SIK3: variants seen among roughly 807,000 people sequenced by gnomAD.
SIK3 encodes SIK family kinase 3, also known as serine/threonine-protein kinase SIK3.
Under a neutral mutation model 144.2 loss-of-function variants are expected in SIK3, and 28 were observed. The observed-to-expected ratio is 0.19, with a 90% CI of 0.14 to 0.27. SIK3 has a LOEUF of 0.27. Ranked by LOEUF, SIK3 falls within the 10% of genes least tolerant of loss-of-function variation. The probability of loss-of-function intolerance (pLI) is 1.00; values close to 1 mark genes in which losing one functional copy is unlikely to be tolerated. For missense variants in SIK3, 1,319 were observed against 1,776.0 expected, an observed-to-expected ratio of 0.74 and a Z score of 4.62; for synonymous variants, 686 against 676.3, an observed-to-expected ratio of 1.01 and a Z score of -0.22.
chr11:116,987,650 G>A (rs550588015), intron 1 of SIK3, among the ~76,000 whole-genome samples: 8 of 152,184 alleles, frequency 5.3e-5, no homozygotes, highest in South Asian at 4.2e-4. Flanking sequence ...TAAAAACTAC[G>A]CTTTAGATAA....
At position 116,922,916 on chromosome 11, in the gene SIK3, T is replaced by C. The variant is rs1480395984; in HGVS notation, c.616+4303A>G. Among the ~76,000 whole-genome samples, 55 of 92,156 alleles carry C rather than the reference T, an allele frequency of 6.0e-4. 1 individual carries two copies. Among genetic ancestry groups the C allele is most frequent in the African/African-American group, 2.3e-3 (48 of 21,098 alleles). The allele number at this position is 92,156 out of a possible 152,430, so 60.5% of individuals were successfully genotyped here. A position where few individuals can be genotyped will look rare whatever the true frequency, so the allele number is the denominator to read the frequency against. On this transcript the variant is annotated intron_variant, in intron 4 of 24. Coordinates refer to ENST00000445177, the MANE Select transcript of SIK3 (RefSeq NM_001366686.3). Reference sequence around the variant, plus strand: ...TCTCCTTTTCTTTTCTCTTTTTTTTTTTTTTTTTTTTTTTTTTTGAGATGG... The same window carrying C: ...TCTCCTTTTCTTTTCTCTTTTTTTTCTTTTTTTTTTTTTTTTTTGAGATGG...
rs1314317978 is a variant in SIK3 at position 116,961,128 on chromosome 11, G to A, written c.274-4064C>T. 2.0e-5 allele frequency among the ~76,000 whole-genome samples: 3 copies of A among 152,180 alleles called. No individual in the cohort carries two copies. The South Asian group carries it at 6.2e-4, about 32-fold the overall frequency. ...TAGGATGGAACCCACAGCAAGACCC[G>A]ACCCTGAGGGCTGTGGCAGAGAGAC... On this transcript the variant is annotated intron_variant, in intron 1 of 24. Coordinates refer to ENST00000445177, the MANE Select transcript of SIK3 (RefSeq NM_001366686.3).
At position 116,875,954 on chromosome 11, in the gene SIK3, T is replaced by C; in HGVS notation, c.1151A>G (p.Asp384Gly). Residue 384 changes from aspartate (D) to glycine (G), a missense_variant, in exon 9 of 25, where the codon GAT becomes GGT. Asp to Gly is a moderately conservative substitution (Grantham distance 94, BLOSUM62 -1). Around this residue, in one of 8 missense-constraint regions of SIK3, gnomAD observed 109 missense variants for 109.3 expected, o/e 1.00. Transcript: ENST00000445177. ...HYSAIYSLLCDRHKRHKTLRL... is the reference protein window; with the variant it reads ...HYSAIYSLLCGRHKRHKTLRL... ...CAGGGTTTTATGTCTCTTATGTCGA[T>C]CACACAGCAGGCTGTAGATTGCACT... 1.2e-6 allele frequency: 2 copies of C among 1,613,670 alleles called. No individual in the cohort carries two copies. Among genetic ancestry groups the C allele is most frequent in the Non-Finnish European group, 1.7e-6 (2 of 1,179,896 alleles).
chr11:116,894,627 T>C (rs1225346628), intron 6 of SIK3, among the ~76,000 whole-genome samples: 1 of 152,156 alleles, frequency 6.6e-6, no homozygotes, highest in Non-Finnish European at 1.5e-5. Flanking sequence ...CTTGGGAAAA[T>C]TGCCTAATCT....
At chr11:117,079,530 G>A (rs1954693196) in intron 1 of SIK3, among the ~76,000 whole-genome samples, 1 of 152,180 alleles carries the variant, frequency 6.6e-6, no homozygotes, top group Non-Finnish European at 1.5e-5. Flanking sequence ...TTACAGTCAA[G>A]TAGGAATAAG....
intron 1 of SIK3, among the ~76,000 whole-genome samples, chr11:116,978,105 C>A (rs1360750014): frequency 2.0e-5 from 3 of 152,062 alleles, no homozygotes; most frequent in Admixed American, 2.0e-4. Flanking sequence ...GTAGTCCCAG[C>A]TACTCAGGAG....
chr11:116,998,868 C>A (rs1950759225), intron 1 of SIK3, among the ~76,000 whole-genome samples: 2 of 152,124 alleles, frequency 1.3e-5, no homozygotes, highest in African/African-American at 2.4e-5. Flanking sequence ...ATTGATCATA[C>A]AAATATAGAA....
intron 1 of SIK3, among the ~76,000 whole-genome samples, chr11:117,069,814 T>C (rs553570300): frequency 6.6e-6 from 1 of 152,308 alleles, no homozygotes; most frequent in South Asian, 2.1e-4. Flanking sequence ...TCCTTCACAT[T>C]TAAGTCGCCA....
chr11:117,031,496 A>ATTTTATTTTATT (rs1952257078), intron 1 of SIK3, among the ~76,000 whole-genome samples: 1 of 5,786 alleles, frequency 1.7e-4, no homozygotes, highest in Non-Finnish European at 9.9e-4. Context: ...TGAATACAGC[A>ATTTTATTTTATT]TTTTATTTTA....
At chr11:116,948,996 CTAAT>C (rs1198999748) in intron 3 of SIK3, among the ~76,000 whole-genome samples, 3 of 151,214 alleles carry the variant, frequency 2.0e-5, no homozygotes, top group Non-Finnish European at 4.4e-5. Context: ...AAACAACACA[CTAAT>C]AAATAAATAA....
intron 3 of SIK3, among the ~76,000 whole-genome samples, chr11:116,933,827 G>A (rs558112647): frequency 1.3e-5 from 2 of 152,046 alleles, no homozygotes; most frequent in Non-Finnish European, 2.9e-5. Flanking sequence ...CAAAACCTCC[G>A]GATGGGTTCC....
chr11:117,022,610 T>A (rs558258203), intron 1 of SIK3, among the ~76,000 whole-genome samples: 61 of 152,234 alleles, frequency 4.0e-4, no homozygotes, highest in African/African-American at 9.4e-4. Flanking sequence ...ACCACATTCA[T>A]CAACTAGAGC....
intron 3 of SIK3, among the ~76,000 whole-genome samples, chr11:116,944,262 T>G (rs1440282443): frequency 1.3e-5 from 2 of 152,172 alleles, no homozygotes; most frequent in African/African-American, 4.8e-5. Flanking sequence ...TGGAATGTTA[T>G]GTCTGCTCGG....
intron 22 of SIK3, 113 bp from the exon 23 acceptor site, chr11:116,847,721 C>T: frequency 7.8e-7 from 1 of 1,283,326 alleles, no homozygotes; most frequent in Non-Finnish European, 1.1e-6. Flanking sequence ...CCCGGGGCCC[C>T]ACTCCAGACT....
intron 21 of SIK3, among the ~76,000 whole-genome samples, chr11:116,855,102 A>AAAAAAAAAAAAAAAAAC (rs1168132311): frequency 1.4e-5 from 2 of 144,326 alleles, no homozygotes; most frequent in Non-Finnish European, 3.1e-5. Flanking sequence ...AAAAAAAAAA[A>AAAAAAAAAAAAAAAAAC]AAAAAAACTT....
At chr11:117,090,412 G>C (rs1201995315) in intron 1 of SIK3, among the ~76,000 whole-genome samples, 1 of 151,560 alleles carries the variant, frequency 6.6e-6, no homozygotes, top group Non-Finnish European at 1.5e-5. Context: ...AGGAACCCTT[G>C]ATATAAATGG....
chr11:117,039,652 A>G (rs1952656889), intron 1 of SIK3, among the ~76,000 whole-genome samples: 1 of 152,214 alleles, frequency 6.6e-6, no homozygotes, highest in African/African-American at 2.4e-5. Context: ...TTAGGAGTTA[A>G]TTTTATGTTA....
At chr11:116,897,428 C>CA in intron 4 of SIK3, 111 bp from the exon 5 acceptor site, 1 of 973,032 alleles carries the variant, frequency 1.0e-6, no homozygotes, top group Non-Finnish European at 1.5e-6. Context: ...ATATTAAATG[C>CA]AAAAAGAGAA....
intron 1 of SIK3, among the ~76,000 whole-genome samples, chr11:116,976,343 C>G (rs983499157): frequency 2.0e-5 from 3 of 152,180 alleles, no homozygotes; most frequent in Non-Finnish European, 2.9e-5. Context: ...AGAGCTAAAA[C>G]TATAAAACTC....
Sources: allele counts gnomAD v4.1 joint callset (sites outside exome capture counted in the v4.1 genomes callset), GRCh38; gene constraint gnomAD v4.1.1; regional missense constraint gnomAD v4.1.1; transcripts MANE v1.5; gene names NCBI Gene and HGNC (gene_info 2026-07-23, HGNC 2026-07-21).